DNM3: variants seen among roughly 807,000 people sequenced by gnomAD.
DNM3 encodes the protein dynamin 3.
DNM3 carries 47 observed loss-of-function variants against 101.6 expected under a neutral mutation model. The ratio of observed to expected loss-of-function variants is 0.46; its 90% confidence interval spans 0.37 to 0.59. DNM3 has a LOEUF of 0.59. DNM3 is among the 20% of genes least tolerant of loss of function. DNM3 has a pLI of 0.00. For missense variants in DNM3, 849 were observed against 1,085.7 expected (o/e 0.78, Z 3.06); for synonymous variants, 385 against 387.9 (o/e 0.99, Z 0.09).
intron 15 of DNM3, among the ~76,000 whole-genome samples, chr1:172,299,751 A>G (rs1040796970): frequency 1.3e-5 from 2 of 152,190 alleles, no homozygotes; most frequent in African/African-American, 4.8e-5. Flanking sequence ...TCCATAGTGT[A>G]TATGTGCCAC....
chr1:171,910,261 A>G (rs1020609280), intron 1 of DNM3, among the ~76,000 whole-genome samples: 4 of 152,354 alleles, frequency 2.6e-5, no homozygotes, highest in South Asian at 2.1e-4. Context: ...TCAGTTACCC[A>G]TGGTCAATTG....
intron 17 of DNM3, among the ~76,000 whole-genome samples, chr1:172,346,040 G>A (rs1301098693): frequency 1.3e-5 from 2 of 150,512 alleles, no homozygotes; most frequent in African/African-American, 4.9e-5. Context: ...GGAGAATGGC[G>A]TGAACCTGGG....
At chr1:171,975,334 C>CA (rs2044295412) in intron 2 of DNM3, among the ~76,000 whole-genome samples, 1 of 152,106 alleles carries the variant, frequency 6.6e-6, no homozygotes, top group Non-Finnish European at 1.5e-5. Context: ...ATTTACAAGA[C>CA]AAAATCTTTA....
rs369238528 is a variant in DNM3 at position 172,239,798 on chromosome 1, C to CTTTTTTTTTTTTTTTT, written c.1660-13774_1660-13773insTTTTTTTTTTTTTTTT. The stretch of plus-strand genomic sequence containing the variant: ...TTTCTCCAGCCCTGTCTTTTTTTTT[C>CTTTTTTTTTTTTTTTT]TCTTTTTTTTTTTTTTTTTTTTGTA... On this transcript the variant is annotated intron_variant, in intron 14 of 20. Coordinates refer to ENST00000627582, the MANE Select transcript of DNM3 (RefSeq NM_015569.5). 1.2e-3 allele frequency among the ~76,000 whole-genome samples: 123 copies of CTTTTTTTTTTTTTTTT among 106,872 alleles called. 7 individuals are homozygous for CTTTTTTTTTTTTTTTT. The highest frequency in any genetic ancestry group is 1.7e-3 in the Admixed American group (13 of 7,698). 70.1% of individuals were successfully genotyped at this position (106,872 alleles called of 152,430 possible).
At chr1:172,290,091 T>G (rs1397602913) in intron 15 of DNM3, 1 of 759,330 alleles carries the variant, frequency 1.3e-6, no homozygotes, top group Non-Finnish European at 1.6e-6. Context: ...AAAATACTGG[T>G]GAGACTAGTC....
rs372511495 is a variant in DNM3 at position 172,248,576 on chromosome 1, G to A, written c.1660-4997G>A. Among the ~76,000 whole-genome samples the A allele has an allele frequency of 9.9e-5, 15 of 152,074 alleles. 1 individual carries two copies. In the East Asian group the frequency reaches 1.9e-3, roughly 20 times the overall value. On this transcript the variant is annotated intron_variant, in intron 14 of 20. Transcript: ENST00000627582. ...GGTCTATGATGTGCTATAATCAGGA[G>A]GTGGCCTTGAAATAAATTTCAAGGC...
rs1021503823 is a variant in DNM3, at chr1:172,404,195, T to C, written c.2523-3577T>C. 2.6e-5 allele frequency among the ~76,000 whole-genome samples: 4 copies of C among 152,082 alleles called. No individual in the cohort carries two copies. The South Asian group carries it at 6.2e-4, about 24-fold the overall frequency. On this transcript the variant is annotated intron_variant, in intron 20 of 20. Transcript: ENST00000627582. ...TGCAACTAGGCATATTTCCAAGATA[T>C]CATAGTTACTTTGAGAGAACATGAA...
At chr1:172,087,161 CCTT>C (rs2053589703) in intron 12 of DNM3, among the ~76,000 whole-genome samples, 1 of 152,188 alleles carries the variant, frequency 6.6e-6, no homozygotes, top group East Asian at 1.9e-4. Context: ...GTTAATCACT[CCTT>C]CTTGAAGAGA....
intron 14 of DNM3, among the ~76,000 whole-genome samples, chr1:172,186,862 T>A (rs911749679): frequency 2.6e-5 from 4 of 152,170 alleles, no homozygotes; most frequent in African/African-American, 9.6e-5. Context: ...TTCTGAAGAC[T>A]CCCCCATCTT....
At chr1:172,116,063 G>A (rs2055867987) in intron 13 of DNM3, among the ~76,000 whole-genome samples, 1 of 152,150 alleles carries the variant, frequency 6.6e-6, no homozygotes, top group Non-Finnish European at 1.5e-5. Flanking sequence ...CTAATATTTA[G>A]ACTCAGCTTA....
At chr1:172,299,914 G>C (rs1349599361) in intron 15 of DNM3, among the ~76,000 whole-genome samples, 5 of 152,214 alleles carry the variant, frequency 3.3e-5, no homozygotes, top group Non-Finnish European at 7.3e-5. Context: ...TAATGGAATT[G>C]CTGGGTCAAA....
intron 2 of DNM3, among the ~76,000 whole-genome samples, chr1:171,960,829 T>A (rs766272077): frequency 1.3e-5 from 2 of 151,462 alleles, no homozygotes; most frequent in Non-Finnish European, 2.9e-5. Context: ...CAGGATGGGG[T>A]GAGGTGGTAG....
chr1:172,404,467 CT>C (rs920181185), intron 20 of DNM3, among the ~76,000 whole-genome samples: 1 of 152,080 alleles, frequency 6.6e-6, no homozygotes, highest in Non-Finnish European at 1.5e-5. Flanking sequence ...CATCTCCTGT[CT>C]TGACTTCTTT....
intron 1 of DNM3, among the ~76,000 whole-genome samples, chr1:171,914,093 AAATTGT>A (rs1300557741): frequency 1.3e-5 from 2 of 152,198 alleles, no homozygotes; most frequent in Admixed American, 1.3e-4. Flanking sequence ...CATGGCCAGA[AAATTGT>A]ATTAAATACT....
chr1:171,985,478 G>T (rs1314392799), intron 2 of DNM3, among the ~76,000 whole-genome samples: 1 of 152,204 alleles, frequency 6.6e-6, no homozygotes, highest in Non-Finnish European at 1.5e-5. Flanking sequence ...AGAAGAACAT[G>T]CCTTATCTTG....
chr1:172,175,717 G>A (rs2059132319), intron 14 of DNM3, among the ~76,000 whole-genome samples: 1 of 151,738 alleles, frequency 6.6e-6, no homozygotes, highest in Non-Finnish European at 1.5e-5. Context: ...AATTTCACAC[G>A]ATCAAATGTT....
intron 20 of DNM3, among the ~76,000 whole-genome samples, chr1:172,418,032 A>G (rs2149148501): frequency 6.6e-6 from 1 of 152,358 alleles, no homozygotes; most frequent in East Asian, 1.9e-4. Context: ...GAGTGAGCTC[A>G]AATGGCTCAT....
chr1:172,382,315 G>C (rs1006103037), intron 18 of DNM3, among the ~76,000 whole-genome samples: 2 of 152,104 alleles, frequency 1.3e-5, no homozygotes, highest in Non-Finnish European at 2.9e-5. Context: ...CATTTGGATG[G>C]CCTCTTCTCT....
At chr1:171,909,384 G>A (rs1481807065) in intron 1 of DNM3, among the ~76,000 whole-genome samples, 2 of 150,844 alleles carry the variant, frequency 1.3e-5, no homozygotes, top group South Asian at 2.1e-4. Context: ...AGTGAGCCGC[G>A]CCGAGATTGT....
Sources: gnomAD v4.1 joint callset for allele counts (sites outside exome capture counted in the v4.1 genomes callset) on GRCh38, gnomAD v4.1.1 for gene constraint, MANE v1.5 for transcripts, NCBI Gene and HGNC (gene_info 2026-07-23, HGNC 2026-07-21) for gene names.